PTPRT: variants seen among roughly 807,000 people sequenced by gnomAD.
The protein encoded by PTPRT is receptor-type tyrosine-protein phosphatase T.
A neutral mutation model predicts 176.8 loss-of-function variants in PTPRT; 56 were observed. The observed-to-expected ratio is 0.32, with a 90% CI of 0.26 to 0.40. The LOEUF is 0.40. PTPRT is among the 10% of genes least tolerant of loss of function. PTPRT has a pLI of 1.00. For synonymous variants in PTPRT, 783 were observed against 739.0 expected (o/e 1.06, Z -0.96); for missense variants, 1,540 against 1,908.2 (o/e 0.81, Z 3.60).
intron 8 of PTPRT, among the ~76,000 whole-genome samples, chr20:42,463,863 G>A (rs890634346): frequency 1.3e-5 from 2 of 152,048 alleles, no homozygotes; most frequent in Non-Finnish European, 2.9e-5. Context: ...GATAATTTTA[G>A]TCTCATATTT....
chr20:42,086,749 A>AT (rs59068856), intron 27 of PTPRT, among the ~76,000 whole-genome samples: 5 of 75,174 alleles, frequency 6.7e-5, no homozygotes, highest in Non-Finnish European at 1.3e-4. Flanking sequence ...AAAAAAAAAA[A>AT]AAAAATATAT....
At chr20:43,164,566 T>C (rs1333011001) in intron 1 of PTPRT, among the ~76,000 whole-genome samples, 1 of 151,988 alleles carries the variant, frequency 6.6e-6, no homozygotes, top group African/African-American at 2.4e-5. Context: ...GAGACAGAGG[T>C]GTTGACTATA....
At chr20:42,907,765 C>G (rs1226541027) in intron 1 of PTPRT, among the ~76,000 whole-genome samples, 1 of 152,086 alleles carries the variant, frequency 6.6e-6, no homozygotes, top group Non-Finnish European at 1.5e-5. Context: ...TAATTCAGAT[C>G]TCTCAGAGGC....
At chr20:42,359,341 C>T (rs927356147) in intron 9 of PTPRT, among the ~76,000 whole-genome samples, 3 of 152,156 alleles carry the variant, frequency 2.0e-5, no homozygotes, top group African/African-American at 7.2e-5. Context: ...GGAGAGGTGA[C>T]AACAGTGACT....
At chr20:42,610,698 AACTC>A (rs1158660874) in intron 7 of PTPRT, among the ~76,000 whole-genome samples, 5 of 152,142 alleles carry the variant, frequency 3.3e-5, no homozygotes, top group African/African-American at 1.2e-4. Flanking sequence ...TGTGAGATAA[AACTC>A]ACAACCATAC....
chr20:42,618,769 C>CT (rs922192149), intron 7 of PTPRT, among the ~76,000 whole-genome samples: 3 of 133,482 alleles, frequency 2.2e-5, no homozygotes, highest in Admixed American at 1.5e-4. Flanking sequence ...CAACCCCTGC[C>CT]TTTTTTTGTT....
intron 11 of PTPRT, among the ~76,000 whole-genome samples, chr20:42,336,425 C>T (rs1312625238): frequency 6.6e-6 from 1 of 151,790 alleles, no homozygotes; most frequent in African/African-American, 2.4e-5. Context: ...AGGCACAGGA[C>T]TGGGGGAGGG....
chr20:42,217,239 G>A (rs968251186), intron 15 of PTPRT, among the ~76,000 whole-genome samples: 12 of 152,020 alleles, frequency 7.9e-5, no homozygotes, highest in Admixed American at 1.3e-4. Flanking sequence ...CCGGTGTGGT[G>A]ACACACGCCT....
chr20:43,029,378 C>T (rs139779454), intron 1 of PTPRT, among the ~76,000 whole-genome samples: 77 of 152,312 alleles, frequency 5.1e-4, no homozygotes, highest in Non-Finnish European at 1.6e-4. Context: ...GGAAGTGCTT[C>T]GGCTTTCATC....
chr20:42,635,736 T>C (rs73110485), intron 7 of PTPRT, among the ~76,000 whole-genome samples: 19,171 of 152,100 alleles, frequency 0.13, 1,282 homozygotes, highest in South Asian at 0.15. Flanking sequence ...TTATTTTATT[T>C]TTTGTTTTAA....
intron 1 of PTPRT, among the ~76,000 whole-genome samples, chr20:43,162,124 A>G (rs1043597603): frequency 3.3e-5 from 5 of 152,226 alleles, no homozygotes; most frequent in African/African-American, 1.2e-4. Context: ...AAAACAAAAT[A>G]AAAACACACA....
the PTPRT span, among the ~76,000 whole-genome samples, chr20:42,041,436 C>T: frequency 2.0e-5 from 3 of 152,120 alleles, no homozygotes; most frequent in Non-Finnish European, 2.9e-5. Context: ...TCTCCACCTC[C>T]TAGAAACTCC....
At chr20:42,981,559 G>A (rs889566318) in intron 1 of PTPRT, among the ~76,000 whole-genome samples, 2 of 152,212 alleles carry the variant, frequency 1.3e-5, no homozygotes, top group Non-Finnish European at 2.9e-5. Flanking sequence ...TCACAGGGAT[G>A]AACCTGACCT....
intron 12 of PTPRT, among the ~76,000 whole-genome samples, chr20:42,295,941 T>C (rs1160432867): frequency 6.6e-6 from 1 of 152,232 alleles, no homozygotes; most frequent in Non-Finnish European, 1.5e-5. Context: ...TGCTTCTCCT[T>C]CCGCCATGAC....
chr20:42,062,871 T>G, the PTPRT span, among the ~76,000 whole-genome samples: 1 of 152,224 alleles, frequency 6.6e-6, no homozygotes, highest in Non-Finnish European at 1.5e-5. Flanking sequence ...CCAGCTGAGC[T>G]GAGCTATGCT....
At chr20:42,940,413 G>A (rs754357304) in intron 1 of PTPRT, among the ~76,000 whole-genome samples, 13 of 152,172 alleles carry the variant, frequency 8.5e-5, no homozygotes, top group Non-Finnish European at 1.8e-4. Context: ...AAGAAGACAT[G>A]TATTTCAAGA....
At chr20:42,276,554 T>TATTTATATAA (rs2057041724) in intron 13 of PTPRT, among the ~76,000 whole-genome samples, 2 of 89,896 alleles carry the variant, frequency 2.2e-5, no homozygotes, top group African/African-American at 8.9e-5. Flanking sequence ...TATATATATA[T>TATTTATATAA]ATATAATGTT....
At chr20:42,314,330 C>T (rs748250904) in intron 12 of PTPRT, among the ~76,000 whole-genome samples, 1 of 151,940 alleles carries the variant, frequency 6.6e-6, no homozygotes, top group Non-Finnish European at 1.5e-5. Flanking sequence ...AGACCGAGAC[C>T]ATCCTGGCTA....
chr20:42,690,047 AT>A (rs2075767274), intron 6 of PTPRT, among the ~76,000 whole-genome samples: 1 of 152,186 alleles, frequency 6.6e-6, no homozygotes, highest in South Asian at 2.1e-4. Context: ...GAGCAATCAA[AT>A]CATGATCTTG....
Sources: gnomAD v4.1 joint callset for allele counts (sites outside exome capture counted in the v4.1 genomes callset) on GRCh38, gnomAD v4.1.1 for gene constraint, MANE v1.5 for transcripts, NCBI Gene and HGNC (gene_info 2026-07-23, HGNC 2026-07-21) for gene names.